Variants in UNC5D observed in about 807,000 individuals in gnomAD.
The protein encoded by UNC5D is netrin receptor UNC5D.
Under a neutral mutation model 105.4 loss-of-function variants are expected in UNC5D, and 39 were observed. The ratio of observed to expected loss-of-function variants is 0.37; its 90% confidence interval spans 0.29 to 0.48. The LOEUF (loss-of-function observed/expected upper bound fraction) is 0.48, where lower values mean the gene tolerates loss of function less well. UNC5D is among the 20% of genes least tolerant of loss of function. UNC5D has a pLI of 0.98. For missense variants in UNC5D, 991 were observed against 1,202.4 expected (o/e 0.82, Z 2.60); for synonymous variants, 452 against 450.4 (o/e 1.00, Z -0.04).
chr8:35,238,600 GA>G (rs1204487108), intron 1 of UNC5D, among the ~76,000 whole-genome samples: 1 of 151,612 alleles, frequency 6.6e-6, no homozygotes, highest in East Asian at 1.9e-4. Context: ...TGTTCTTCAA[GA>G]AAAAAAGGGG....
chr8:35,393,434 T>C (rs550527695), intron 1 of UNC5D, among the ~76,000 whole-genome samples: 102 of 151,072 alleles, frequency 6.8e-4, no homozygotes, highest in Non-Finnish European at 1.4e-3. Context: ...CGCCCGGCCC[T>C]ACTTTTTATC....
intron 9 of UNC5D, 110 bp downstream of exon 9, chr8:35,722,505 AG>A (rs1828637321): frequency 7.2e-7 from 1 of 1,390,090 alleles, no homozygotes; most frequent in Admixed American, 2.4e-5. Flanking sequence ...TGGCACTGGG[AG>A]CCGCTACCAA....
chr8:35,395,133 T>G (rs887361360), intron 1 of UNC5D, among the ~76,000 whole-genome samples: 1 of 152,154 alleles, frequency 6.6e-6, no homozygotes, highest in Admixed American at 6.5e-5. Flanking sequence ...GGATAATGTG[T>G]GTTAAGTGCT....
At chr8:35,697,651 C>T (rs1426124861) in intron 7 of UNC5D, among the ~76,000 whole-genome samples, 1 of 152,096 alleles carries the variant, frequency 6.6e-6, no homozygotes, top group East Asian at 1.9e-4. Context: ...ATTACGGACA[C>T]TGTATAAGGC....
chr8:35,332,361 A>G (rs1030725025), intron 1 of UNC5D, among the ~76,000 whole-genome samples: 4 of 152,242 alleles, frequency 2.6e-5, no homozygotes, highest in African/African-American at 9.6e-5. Context: ...AAATAGAAAT[A>G]TTCCAGGCTC....
intron 3 of UNC5D, among the ~76,000 whole-genome samples, chr8:35,568,484 T>C (rs991129804): frequency 6.6e-6 from 1 of 151,880 alleles, no homozygotes; most frequent in African/African-American, 2.4e-5. Flanking sequence ...AGATTAGGAG[T>C]TTGAGATGAG....
At chr8:35,552,779 T>G (rs1816261069) in intron 2 of UNC5D, among the ~76,000 whole-genome samples, 1 of 152,142 alleles carries the variant, frequency 6.6e-6, no homozygotes, top group South Asian at 2.1e-4. Context: ...AGAGGCCTGG[T>G]GCTGGGAGAG....
rs142331914 is a variant in UNC5D at position 35,729,974 on chromosome 8, A to AG, written c.1682-1036dup. ...TTGTTGCTGCTAACAGGCACATAGAAGGAGATCAGGAAAGACTGCCATCTC... is the reference window on the plus strand; with the variant it reads ...TTGTTGCTGCTAACAGGCACATAGAAGGGAGATCAGGAAAGACTGCCATCTC... On this transcript the variant is annotated intron_variant, in intron 10 of 16. Transcript: ENST00000404895. Among the ~76,000 whole-genome samples, 173 of 152,346 alleles carry AG rather than the reference A, an allele frequency of 1.1e-3. 1 individual carries two copies. The highest frequency in any genetic ancestry group is 4.1e-3 in the African/African-American group (169 of 41,576).
intron 3 of UNC5D, among the ~76,000 whole-genome samples, chr8:35,570,824 G>A (rs1347100768): frequency 6.6e-6 from 1 of 151,860 alleles, no homozygotes; most frequent in East Asian, 1.9e-4. Context: ...CAGGTATGGT[G>A]GCATATGCCT....
rs765209179 is a variant in UNC5D, at chr8:35,759,519, A to G, written c.2313+50A>G. ...AGAAACGGCTTTGCTTTAACCGGCA[A>G]GCATGTCACAGATCCTGGCAAGGGT... is the stretch of plus-strand genomic sequence containing the variant. On this transcript the variant is annotated intron_variant, in intron 14 of 16. Transcript: ENST00000404895. 5.1e-6 allele frequency: 8 copies of G among 1,580,318 alleles called. No homozygotes were observed. The South Asian group carries it at 8.2e-5, about 16-fold the overall frequency.
chr8:35,239,767 T>C (rs1802690267), intron 1 of UNC5D, among the ~76,000 whole-genome samples: 1 of 152,134 alleles, frequency 6.6e-6, no homozygotes, highest in Non-Finnish European at 1.5e-5. Context: ...CTCCTTCTGA[T>C]ACCTTCATGA....
chr8:35,778,981 G>A (rs578086125), intron 16 of UNC5D, among the ~76,000 whole-genome samples: 1 of 152,306 alleles, frequency 6.6e-6, no homozygotes, highest in East Asian at 1.9e-4. Context: ...CGCTTGCCTG[G>A]CATATGGATC....
chr8:35,621,224 AGG>A (rs1359203649), intron 4 of UNC5D, among the ~76,000 whole-genome samples: 1 of 152,172 alleles, frequency 6.6e-6, no homozygotes, highest in Non-Finnish European at 1.5e-5. Flanking sequence ...GTCATATAGC[AGG>A]TGCTTAATAA....
rs61251439 is a variant in UNC5D, at chr8:35,596,602, T to C, written c.570+945T>C. Among the ~76,000 whole-genome samples, 51 of 152,224 alleles carry C rather than the reference T, an allele frequency of 3.4e-4. No individual in the cohort carries two copies. In the East Asian group the frequency reaches 7.9e-3, roughly 24 times the overall value. On this transcript the variant is annotated intron_variant, in intron 4 of 16. Transcript: ENST00000404895. ...TCAGAGCACAGTTTGGTTTTATACATTTTAGGGAGACATGAGACATCAATC... is the reference window on the plus strand; with the variant it reads ...TCAGAGCACAGTTTGGTTTTATACACTTTAGGGAGACATGAGACATCAATC...
At chr8:35,728,717 C>T (rs987836287) in intron 10 of UNC5D, among the ~76,000 whole-genome samples, 3 of 152,284 alleles carry the variant, frequency 2.0e-5, no homozygotes, top group African/African-American at 7.2e-5. Flanking sequence ...TGGTGCCTAG[C>T]AATGATTTCT....
intron 1 of UNC5D, among the ~76,000 whole-genome samples, chr8:35,509,474 C>G (rs1273417278): frequency 1.5e-4 from 1 of 6,778 alleles, no homozygotes; most frequent in Non-Finnish European, 4.2e-4. Context: ...TTTAGCTTAT[C>G]TTGCTGGGAG....
chr8:35,604,367 T>C (rs1820120798), intron 4 of UNC5D, among the ~76,000 whole-genome samples: 1 of 152,232 alleles, frequency 6.6e-6, no homozygotes, highest in African/African-American at 2.4e-5. Context: ...TGTGGAATAT[T>C]GGCCCCCACC....
intron 14 of UNC5D, among the ~76,000 whole-genome samples, chr8:35,763,050 T>C (rs1005900895): frequency 6.6e-5 from 10 of 152,186 alleles, no homozygotes; most frequent in African/African-American, 1.9e-4. Flanking sequence ...AGCTCGTTGG[T>C]GTTTTTTGTT....
At chr8:35,614,316 A>G (rs1371282668) in intron 4 of UNC5D, among the ~76,000 whole-genome samples, 3 of 152,210 alleles carry the variant, frequency 2.0e-5, no homozygotes, top group South Asian at 2.1e-4. Flanking sequence ...CAAACAGACT[A>G]TGAAATGAGG....
Sources: gnomAD v4.1 joint callset for allele counts (sites outside exome capture counted in the v4.1 genomes callset) on GRCh38, gnomAD v4.1.1 for gene constraint, MANE v1.5 for transcripts, NCBI Gene and HGNC (gene_info 2026-07-23, HGNC 2026-07-21) for gene names.